PHEX: variants seen among roughly 807,000 people sequenced by gnomAD.
PHEX encodes phosphate regulating endopeptidase X-linked.
A neutral mutation model predicts 68.0 loss-of-function variants in PHEX; 16 were observed. The ratio of observed to expected loss-of-function variants is 0.24; its 90% CI spans 0.16 to 0.36. PHEX has a LOEUF of 0.36. Among genes scored for constraint, PHEX ranks in the 10% least tolerant of loss-of-function variants. The probability of loss-of-function intolerance (pLI) is 1.00; values close to 1 mark genes in which losing one functional copy is unlikely to be tolerated. For missense variants in PHEX, 480 were observed against 575.5 expected (o/e 0.83, Z 1.70); for synonymous variants, 208 against 205.1 (o/e 1.01, Z -0.12).
At chrX:22,167,443 T>A (rs973764187) in intron 12 of PHEX, among the ~76,000 whole-genome samples, 2 of 111,077 alleles carry the variant, frequency 1.8e-5, no homozygotes, top group African/African-American at 6.5e-5. Context: ...ATGTCTTCTT[T>A]TGAGAAATGT....
intron 14 of PHEX, among the ~76,000 whole-genome samples, chrX:22,186,901 G>A (rs2147135688): frequency 9.0e-6 from 1 of 111,703 alleles, no homozygotes; most frequent in East Asian, 2.8e-4. Flanking sequence ...GAGGGGAGTT[G>A]GGAAGAACAA....
At chrX:22,188,268 T>C (rs988636579) in intron 14 of PHEX, among the ~76,000 whole-genome samples, 1 of 112,205 alleles carries the variant, frequency 8.9e-6, no homozygotes, top group Non-Finnish European at 1.9e-5. Flanking sequence ...TTTTTTTCTT[T>C]TTAATTTTTT....
chrX:22,180,175 A>C (rs1461662593), intron 14 of PHEX, among the ~76,000 whole-genome samples: 1 of 111,172 alleles, frequency 9.0e-6, no homozygotes, highest in Non-Finnish European at 1.9e-5. Flanking sequence ...GTGCTCAATC[A>C]GTGATTAGGT....
intron 12 of PHEX, among the ~76,000 whole-genome samples, chrX:22,142,124 C>T (rs977705569): frequency 5.5e-4 from 61 of 111,257 alleles, no homozygotes; most frequent in Non-Finnish European, 6.4e-4. Context: ...TGGTGGCAGG[C>T]GCCTGTAATC....
At chrX:22,034,333 A>G (rs1273887926) in intron 1 of PHEX, among the ~76,000 whole-genome samples, 1 of 112,003 alleles carries the variant, frequency 8.9e-6, no homozygotes. Flanking sequence ...TAAAAATCCC[A>G]ATAATTATTG....
chrX:22,196,101 C>T, intron 15 of PHEX, among the ~76,000 whole-genome samples: 1 of 111,909 alleles, frequency 8.9e-6, no homozygotes. Flanking sequence ...ATTGCTTGAG[C>T]CCAGGGGTTT....
intron 13 of PHEX, among the ~76,000 whole-genome samples, chrX:22,177,405 T>C (rs1933744026): frequency 9.0e-6 from 1 of 111,581 alleles, no homozygotes; most frequent in Non-Finnish European, 1.9e-5. Flanking sequence ...ACCCAAGCAT[T>C]GGAGGTCACT....
chrX:22,114,812 C>T (rs1240134610), intron 11 of PHEX, among the ~76,000 whole-genome samples: 1 of 110,514 alleles, frequency 9.0e-6, no homozygotes, highest in Non-Finnish European at 1.9e-5. Context: ...TGTAGTTTTC[C>T]AGGGGAGTGG....
At chrX:22,195,083 C>T (rs1202846813) in intron 15 of PHEX, among the ~76,000 whole-genome samples, 1 of 111,448 alleles carries the variant, frequency 9.0e-6, no homozygotes, top group African/African-American at 3.3e-5. Context: ...TTCCAGACCC[C>T]TATTGTCCTG....
At chrX:22,161,619 A>G (rs1287961670) in intron 12 of PHEX, among the ~76,000 whole-genome samples, 1 of 111,731 alleles carries the variant, frequency 9.0e-6, no homozygotes, top group Admixed American at 9.5e-5. Context: ...ATATTTATTG[A>G]GTATTGGTCA....
At chrX:22,243,077 A>T (rs1936278204) in intron 20 of PHEX, among the ~76,000 whole-genome samples, 1 of 112,154 alleles carries the variant, frequency 8.9e-6, no homozygotes, top group Admixed American at 9.5e-5. Context: ...TGGTACCAAA[A>T]CAGATATGTA....
chrX:22,168,362 T>A lies in PHEX; in HGVS notation c.1455T>A (p.Asp485Glu). Residue 485 changes from aspartate to glutamate, a missense_variant, in exon 13 of 22, where the codon GAT becomes GAA. Transcript: ENST00000379374. ...KVGYPEFIMNDTHVNEDLKAI... is the reference protein window; with the variant it reads ...KVGYPEFIMNETHVNEDLKAI... ...GCTATCCAGAGTTTATAATGAATGA[T>A]ACTCATGTTAATGAAGACCTCAAAG... 2.2e-5 allele frequency: 26 copies of A among 1,192,621 alleles called. No individual in the cohort carries two copies. Among genetic ancestry groups the A allele is most frequent in the Non-Finnish European group, 3.0e-5 (26 of 878,001 alleles).
At chrX:22,090,146 C>G (rs182093115) in intron 5 of PHEX, among the ~76,000 whole-genome samples, 26 of 112,346 alleles carry the variant, frequency 2.3e-4, no homozygotes, top group African/African-American at 6.8e-4. Context: ...TCTCTAAGAT[C>G]TATTCCAACT....
intron 3 of PHEX, among the ~76,000 whole-genome samples, chrX:22,048,481 C>T (rs1051829283): frequency 4.5e-5 from 5 of 110,164 alleles, no homozygotes; most frequent in Admixed American, 9.8e-5. Flanking sequence ...CACACATGTG[C>T]ACACACACAC....
At chrX:22,176,873 T>C (rs931691389) in intron 13 of PHEX, among the ~76,000 whole-genome samples, 11 of 111,417 alleles carry the variant, frequency 9.9e-5, no homozygotes, top group Non-Finnish European at 1.9e-4. Flanking sequence ...TTGCCTTCCA[T>C]TATGTGAATA....
In PHEX at chrX:22,212,845, C is replaced by G. The variant is rs141151614; in HGVS notation, c.1646-59C>G. 117 of 906,223 alleles carry G rather than the reference C, an allele frequency of 1.3e-4. No homozygotes were observed. In the African/African-American group the frequency reaches 2.0e-3, roughly 15 times the overall value. 74.7% of individuals were successfully genotyped at this position (906,223 alleles called of 1,213,427 possible). A position where few individuals can be genotyped will look rare whatever the true frequency, so the allele number is the denominator to read the frequency against. ...GAAACCTCAGTGTTATAGCTAGAAC[C>G]AGGTACTCATCATTGAATCAATCTC... On this transcript the variant is annotated intron_variant, in intron 15 of 21. Coordinates refer to ENST00000379374, the MANE Select transcript of PHEX (RefSeq NM_000444.6).
chrX:22,071,155 C>A (rs949033253), intron 3 of PHEX, among the ~76,000 whole-genome samples: 6 of 111,437 alleles, frequency 5.4e-5, no homozygotes, highest in Middle Eastern at 4.6e-3. Context: ...CCTCTCTCAG[C>A]TTCCGAGCAG....
intron 20 of PHEX, among the ~76,000 whole-genome samples, chrX:22,230,054 G>T (rs1467738342): frequency 9.1e-6 from 1 of 110,113 alleles, no homozygotes; most frequent in Non-Finnish European, 1.9e-5. Flanking sequence ...GATGGTTGTA[G>T]ATGTGTGGTG....
At chrX:22,233,248 C>G (rs899535994) in intron 20 of PHEX, among the ~76,000 whole-genome samples, 2 of 111,275 alleles carry the variant, frequency 1.8e-5, no homozygotes, top group African/African-American at 6.5e-5. Flanking sequence ...AACTTTTTTT[C>G]CTCCATTTCA....
Sources: gnomAD v4.1 joint callset for allele counts (sites outside exome capture counted in the v4.1 genomes callset) on GRCh38, gnomAD v4.1.1 for gene constraint, MANE v1.5 for transcripts, NCBI Gene and HGNC (gene_info 2026-07-23, HGNC 2026-07-21) for gene names.